MCC: variants seen among roughly 807,000 people sequenced by gnomAD.
MCC encodes MCC regulator of Wnt signaling pathway.
MCC carries 90 observed loss-of-function variants against 116.2 expected under a neutral mutation model. That is an observed-to-expected ratio of 0.77 (90% CI 0.65 to 0.92). The LOEUF (loss-of-function observed/expected upper bound fraction) is 0.92. Ranked by LOEUF, MCC falls within the 40% of genes least tolerant of loss-of-function variation. The pLI is 0.00. For synonymous variants in MCC, 578 were observed against 510.5 expected, an observed-to-expected ratio of 1.13 and a Z score of -1.78; for missense variants, 1,516 against 1,312.2, an observed-to-expected ratio of 1.16 and a Z score of -2.40.
At chr5:113,473,324 G>A (rs1772144882) in intron 1 of MCC, among the ~76,000 whole-genome samples, 1 of 152,108 alleles carries the variant, frequency 6.6e-6, no homozygotes, top group East Asian at 1.9e-4. Flanking sequence ...AGGAGTTTGA[G>A]ACGAGCCTGG....
intron 5 of MCC, among the ~76,000 whole-genome samples, chr5:113,138,046 TTTC>T (rs946819437): frequency 1.3e-5 from 2 of 152,048 alleles, no homozygotes; most frequent in South Asian, 4.2e-4. Flanking sequence ...TTTTTTTTTT[TTTC>T]TCTGTTACCC....
At chr5:113,420,965 T>A (rs1770317537) in intron 1 of MCC, among the ~76,000 whole-genome samples, 1 of 152,190 alleles carries the variant, frequency 6.6e-6, no homozygotes, top group South Asian at 2.1e-4. Flanking sequence ...ACATTATAAA[T>A]CAGTAATTTG....
intron 3 of MCC, among the ~76,000 whole-genome samples, chr5:113,258,210 A>G (rs1441229424): frequency 3.9e-5 from 6 of 152,236 alleles, no homozygotes; most frequent in Non-Finnish European, 8.8e-5. Context: ...AAAGACAAAC[A>G]TTGTATATAA....
rs1769226075 is a variant in MCC at position 113,385,239 on chromosome 5, A to C, written c.171-27T>G. The C allele has an allele frequency of 2.5e-6, 4 of 1,606,576 alleles. No individual in the cohort carries two copies. The African/African-American group carries it at 4.0e-5, about 16-fold the overall frequency. On this transcript the variant is annotated intron_variant, in intron 1 of 18. Transcript: ENST00000408903. ...TGCAGAAGGGGTTGAACAGAAGAAA[A>C]TGTGTTATGAGTGACATTTAAGCTA... is the stretch of plus-strand genomic sequence containing the variant.
intron 5 of MCC, among the ~76,000 whole-genome samples, chr5:113,139,767 G>A (rs1759070629): frequency 6.6e-6 from 1 of 152,120 alleles, no homozygotes; most frequent in Non-Finnish European, 1.5e-5. Context: ...TATACCCAAA[G>A]GATTATAAAT....
intron 5 of MCC, among the ~76,000 whole-genome samples, chr5:113,123,715 C>G (rs114838948): frequency 6.6e-6 from 1 of 152,264 alleles, no homozygotes; most frequent in South Asian, 2.1e-4. Flanking sequence ...GGTATGGAGA[C>G]AGCAAAATGA....
rs560177454 is a variant in MCC, at chr5:113,434,540, C to T, written c.171-49328G>A. On this transcript the variant is annotated intron_variant, in intron 1 of 18. Coordinates refer to ENST00000408903, the MANE Select transcript of MCC (RefSeq NM_001085377.2). The surrounding 1 kb of genome is among the most constrained non-coding windows in gnomAD (Gnocchi z 4.2). ...GCAGGGCTCCCCGGGTTTTGATTAA[C>T]TCGAGGAGGTCGCCCTGGACCGCGA... 3 of 1,613,058 alleles carry T rather than the reference C, an allele frequency of 1.9e-6. No individual in the cohort carries two copies. The African/African-American group carries it at 4.0e-5, about 22-fold the overall frequency.
At position 113,434,857 on chromosome 5, in the gene MCC, G is replaced by A; in HGVS notation, c.171-49645C>T. 1 of 1,596,170 alleles carries A rather than the reference G, an allele frequency of 6.3e-7. No homozygotes were observed. Among genetic ancestry groups the A allele is most frequent in the South Asian group, 1.1e-5 (1 of 88,300 alleles). On this transcript the variant is annotated intron_variant, in intron 1 of 18. Transcript: ENST00000408903. This position sits in a 1 kb window ranked among gnomAD's most constrained non-coding sequence, Gnocchi z 4.2. ...TCATCCATGGTGCCAGGAATGCCCA[G>A]TGCCTCTGAGGCTGCCCTCTACAGC...
intron 3 of MCC, among the ~76,000 whole-genome samples, chr5:113,284,890 G>A (rs1766185797): frequency 6.6e-6 from 1 of 152,186 alleles, no homozygotes; most frequent in Non-Finnish European, 1.5e-5. Context: ...AATAGTTGAA[G>A]GAAATGGGTC....
chr5:113,172,239 GT>G (rs1761109072), intron 3 of MCC, among the ~76,000 whole-genome samples: 1 of 152,174 alleles, frequency 6.6e-6, no homozygotes, highest in South Asian at 2.1e-4. Flanking sequence ...TGACAGCAAT[GT>G]TTTTGTCTGT....
At chr5:113,285,209 C>G (rs1169104628) in intron 3 of MCC, among the ~76,000 whole-genome samples, 1 of 152,074 alleles carries the variant, frequency 6.6e-6, no homozygotes, top group Non-Finnish European at 1.5e-5. Context: ...GGCGGGAAGC[C>G]AAAGGAGAGG....
chr5:113,254,252 G>C (rs1179738457), intron 3 of MCC, among the ~76,000 whole-genome samples: 2 of 152,058 alleles, frequency 1.3e-5, no homozygotes, highest in Admixed American at 6.5e-5. Flanking sequence ...GATAAGCAGA[G>C]GCTCAAAGTA....
At chr5:113,028,681 T>C (rs1353442206) in intron 18 of MCC, among the ~76,000 whole-genome samples, 1 of 152,234 alleles carries the variant, frequency 6.6e-6, no homozygotes, top group East Asian at 1.9e-4. Flanking sequence ...AGGAGGCATA[T>C]ACCACAGTAT....
chr5:113,145,292 G>A (rs568128563), intron 4 of MCC, among the ~76,000 whole-genome samples: 4 of 152,156 alleles, frequency 2.6e-5, no homozygotes, highest in African/African-American at 7.2e-5. Flanking sequence ...TAGTGTGACT[G>A]TAGGATAAAA....
In MCC at chr5:113,082,935, G is replaced by C. The variant is rs1754960760; in HGVS notation, c.1709C>G (p.Thr570Arg). 6.2e-7 allele frequency: 1 copy of C among 1,614,048 alleles called. No homozygotes were observed. ...GATGGCAGATCCGTGTGAGTAGAGT[G>C]TTTGGAAAATCTCTTGGATATTGGA... ...DCSNIQEIFQ[T>R]LYSHGSAISE... Residue 570 changes from threonine (T) to arginine (R), a missense_variant, in exon 11 of 19, where the codon ACA becomes AGA. Physicochemically the swap from Thr to Arg is moderately conservative, Grantham distance 71. Coordinates refer to ENST00000408903, the MANE Select transcript of MCC (RefSeq NM_001085377.2).
chr5:113,394,596 T>G (rs1444298158), intron 1 of MCC, among the ~76,000 whole-genome samples: 2 of 152,218 alleles, frequency 1.3e-5, no homozygotes, highest in Non-Finnish European at 2.9e-5. Flanking sequence ...TTTGCACATG[T>G]TTGTCCCTCT....
intron 2 of MCC, among the ~76,000 whole-genome samples, chr5:113,380,527 A>AG (rs1554079997): frequency 8.5e-5 from 11 of 128,806 alleles, no homozygotes; most frequent in Non-Finnish European, 1.9e-4. Context: ...CATTCATTCA[A>AG]CAAACATGCA....
chr5:113,144,509 C>T (rs1759375957), intron 4 of MCC, among the ~76,000 whole-genome samples: 1 of 152,202 alleles, frequency 6.6e-6, no homozygotes, highest in African/African-American at 2.4e-5. Context: ...GGACTTCTCA[C>T]CCGCTACCTC....
chr5:113,098,308 C>A (rs1756173074), intron 8 of MCC, among the ~76,000 whole-genome samples: 1 of 152,192 alleles, frequency 6.6e-6, no homozygotes, highest in Non-Finnish European at 1.5e-5. Flanking sequence ...GTTTACCTGT[C>A]CCCACCACTT....
Sources: gnomAD v4.1 joint callset for allele counts (sites outside exome capture counted in the v4.1 genomes callset) on GRCh38, gnomAD v4.1.1 for gene constraint, Gnocchi (gnomAD v3.1) non-coding constraint, MANE v1.5 for transcripts, NCBI Gene and HGNC (gene_info 2026-07-23, HGNC 2026-07-21) for gene names.